The following PHIP variants were observed in gnomAD, a reference collection of about 807,000 sequenced individuals.
PHIP encodes PHIP subunit of CUL4-Ring ligase complex.
A neutral mutation model predicts 236.8 loss-of-function variants in PHIP; 54 were observed. That is an observed-to-expected ratio of 0.23 (90% CI 0.18 to 0.29). The LOEUF is 0.29. Among genes scored for constraint, PHIP ranks in the 10% least tolerant of loss-of-function variants. PHIP has a pLI of 1.00. For missense variants in PHIP, 1,370 were observed against 2,190.8 expected, an observed-to-expected ratio of 0.63 and a Z score of 7.48; for synonymous variants, 756 against 718.9, an observed-to-expected ratio of 1.05 and a Z score of -0.83.
chr6:79,039,877 T>C (rs11758432), intron 7 of PHIP, among the ~76,000 whole-genome samples: 45,863 of 151,940 alleles, frequency 0.3, 7,047 homozygotes, highest in Admixed American at 0.32. Context: ...TTGGCAATTA[T>C]GCTATTTCCC....
intron 30 of PHIP, among the ~76,000 whole-genome samples, chr6:78,962,096 C>T (rs1305477356): frequency 1.3e-5 from 2 of 152,094 alleles, no homozygotes; most frequent in Admixed American, 1.3e-4. Flanking sequence ...ACATACATTG[C>T]CGTAATTGAC....
At chr6:79,005,767 A>C (rs1770256891) in intron 15 of PHIP, among the ~76,000 whole-genome samples, 1 of 152,006 alleles carries the variant, frequency 6.6e-6, no homozygotes, top group South Asian at 2.1e-4. Flanking sequence ...AATGTTCCTA[A>C]GCATGGTATC....
intron 39 of PHIP, among the ~76,000 whole-genome samples, chr6:78,943,480 A>G (rs1361669462): frequency 6.6e-6 from 1 of 152,222 alleles, no homozygotes; most frequent in Non-Finnish European, 1.5e-5. Flanking sequence ...AATTCAGTTC[A>G]GAAAGGGGGC....
chr6:78,954,701 A>G, intron 35 of PHIP, 113 bp downstream of exon 35: 1 of 688,310 alleles, frequency 1.5e-6, no homozygotes, highest in East Asian at 3.1e-5. Context: ...GAACATGTAT[A>G]AAATAATAAA....
intron 24 of PHIP, among the ~76,000 whole-genome samples, chr6:78,971,395 T>G (rs1275118891): frequency 3.3e-5 from 5 of 152,240 alleles, no homozygotes; most frequent in African/African-American, 1.2e-4. Flanking sequence ...AACTAGTACT[T>G]GAACACAGCA....
chr6:78,973,256 A>C (rs1382367073), intron 24 of PHIP, among the ~76,000 whole-genome samples: 2 of 151,850 alleles, frequency 1.3e-5, no homozygotes, highest in East Asian at 1.9e-4. Flanking sequence ...TTCAACCCAG[A>C]ATTTCATATC....
At chr6:79,050,514 A>G (rs1772739047) in intron 6 of PHIP, among the ~76,000 whole-genome samples, 1 of 152,214 alleles carries the variant, frequency 6.6e-6, no homozygotes, top group Admixed American at 6.5e-5. Context: ...ATTAGAAAAG[A>G]AAGACTGAAA....
chr6:78,991,049 T>A (rs991088916), intron 19 of PHIP, 64 bp from the exon 20 acceptor site: 7 of 944,852 alleles, frequency 7.4e-6, no homozygotes, highest in African/African-American at 1.7e-5. Context: ...CCAAAAGGAA[T>A]GTTAGGTATC....
In PHIP at chr6:78,954,934, A is replaced by G. The variant is rs1458484801; in HGVS notation, c.3933T>C (p.Asn1311=). The G allele has an allele frequency of 1.3e-6, 2 of 1,574,194 alleles. No individual in the cohort carries two copies. Among genetic ancestry groups the G allele is most frequent in the Non-Finnish European group, 1.7e-6 (2 of 1,165,208 alleles). Residue 1311 remains asparagine, a synonymous_variant, in exon 35 of 40, where the codon AAT becomes AAC. Coordinates refer to ENST00000275034, the MANE Select transcript of PHIP (RefSeq NM_017934.7). The part of the protein sequence containing the change: ...KDHQPRRRLR[N]RAQSYDIQAW... ...CTTGAATATCGTAAGACTGGGCTCTATTACGTAATCTTCTTCTAGGCTGAT... is the reference window on the plus strand; with the variant it reads ...CTTGAATATCGTAAGACTGGGCTCTGTTACGTAATCTTCTTCTAGGCTGAT...
chr6:79,017,735 T>G, intron 10 of PHIP, 152 bp from the exon 11 acceptor site: 1 of 563,272 alleles, frequency 1.8e-6, no homozygotes, highest in Non-Finnish European at 3.2e-6. Flanking sequence ...ATAACACATC[T>G]AACTGGAATT....
intron 16 of PHIP, among the ~76,000 whole-genome samples, chr6:79,003,466 C>T (rs536269101): frequency 5.9e-4 from 89 of 152,066 alleles, no homozygotes; most frequent in Non-Finnish European, 7.8e-4. Context: ...GTTAAGAATT[C>T]CAATCTAGAT....
chr6:79,028,891 C>A (rs1350789121), intron 7 of PHIP, among the ~76,000 whole-genome samples: 1 of 152,034 alleles, frequency 6.6e-6, no homozygotes, highest in African/African-American at 2.4e-5. Context: ...AATAAAAACA[C>A]CAGTCTTTTG....
At position 78,954,930 on chromosome 6, in the gene PHIP, C is replaced by T; in HGVS notation, c.3937G>A (p.Ala1313Thr). 6.3e-7 allele frequency: 1 copy of T among 1,577,584 alleles called. No individual in the cohort carries two copies. Among genetic ancestry groups the T allele is most frequent in the Admixed American group, 2.0e-5 (1 of 50,198 alleles). ...CATGCTTGAATATCGTAAGACTGGGCTCTATTACGTAATCTTCTTCTAGGC... is the reference window on the plus strand; with the variant it reads ...CATGCTTGAATATCGTAAGACTGGGTTCTATTACGTAATCTTCTTCTAGGC... Reference protein sequence around the residue: ...HQPRRRLRNRAQSYDIQAWKK... With the variant: ...HQPRRRLRNRTQSYDIQAWKK... The change falls in exon 35 of 40, where the codon GCC (alanine) becomes ACC (threonine). Residue 1313 changes from alanine (A) to threonine (T), a missense_variant. Physicochemically the swap from Ala to Thr is moderately conservative, Grantham distance 58 (BLOSUM62 0). Coordinates refer to ENST00000275034, the MANE Select transcript of PHIP (RefSeq NM_017934.7).
chr6:79,077,762 G>C, intron 2 of PHIP, 33 bp from the exon 3 acceptor site: 1 of 980,678 alleles, frequency 1.0e-6, no homozygotes, highest in Middle Eastern at 5.2e-4. Flanking sequence ...GCTGAGCCCC[G>C]CGCCCCGGGC....
intron 16 of PHIP, among the ~76,000 whole-genome samples, chr6:79,002,954 A>T (rs1770083481): frequency 1.3e-5 from 2 of 152,144 alleles, no homozygotes; most frequent in South Asian, 4.1e-4. Flanking sequence ...CAACCAGGAC[A>T]TAAATTTTAT....
intron 35 of PHIP, among the ~76,000 whole-genome samples, chr6:78,948,081 C>T (rs143911796): frequency 6.6e-6 from 1 of 152,140 alleles, no homozygotes; most frequent in African/African-American, 2.4e-5. Flanking sequence ...GGAAAAAGCC[C>T]AGCTCTACAA....
At chr6:79,056,543 G>A (rs1293267294) in intron 6 of PHIP, among the ~76,000 whole-genome samples, 2 of 152,130 alleles carry the variant, frequency 1.3e-5, no homozygotes, top group African/African-American at 4.8e-5. Context: ...ATTTTGCCCA[G>A]GAGATATTTG....
chr6:78,997,046 ATGGC>A (rs1032120508), intron 19 of PHIP, among the ~76,000 whole-genome samples: 1 of 151,296 alleles, frequency 6.6e-6, no homozygotes, highest in African/African-American at 2.4e-5. Flanking sequence ...TATCATGTGA[ATGGC>A]TGGCTAAATC....
chr6:79,060,770 G>T lies in PHIP; in HGVS notation c.238C>A (p.His80Asn). 6.2e-7 allele frequency: 1 copy of T among 1,612,562 alleles called. No individual in the cohort carries two copies. The highest frequency in any genetic ancestry group is 8.5e-7 in the Non-Finnish European group (1 of 1,178,688). Residue 80 changes from histidine (H) to asparagine (N), a missense_variant, in exon 5 of 40, where the codon CAT (histidine) becomes AAT (asparagine). Coordinates refer to ENST00000275034, the MANE Select transcript of PHIP (RefSeq NM_017934.7). ...LAPDHLLQIC[H>N]RLGPLLEQEI... ...TGTTCAAGAAGAGGTCCTAGTCGAT[G>T]ACATATTTGCAGCAAGTGATCAGGT... is the stretch of plus-strand genomic sequence containing the variant.
Sources: gnomAD v4.1 joint callset for allele counts (sites outside exome capture counted in the v4.1 genomes callset) on GRCh38, gnomAD v4.1.1 for gene constraint, MANE v1.5 for transcripts, NCBI Gene and HGNC (gene_info 2026-07-23, HGNC 2026-07-21) for gene names.